The following PRKAR2B variants were observed in gnomAD, a reference collection of about 807,000 sequenced individuals.
PRKAR2B encodes the protein protein kinase cAMP-dependent type II regulatory subunit beta, also known as cAMP-dependent protein kinase type II-beta regulatory subunit.
A neutral mutation model predicts 49.9 loss-of-function variants in PRKAR2B; 14 were observed. The ratio of observed to expected loss-of-function variants is 0.28; its 90% CI spans 0.19 to 0.44. The LOEUF (loss-of-function observed/expected upper bound fraction) is 0.44. Among genes scored for constraint, PRKAR2B ranks in the 20% least tolerant of loss-of-function variants. The pLI, the probability that PRKAR2B is intolerant of heterozygous loss-of-function variation, is 1.00. For synonymous variants in PRKAR2B, 196 were observed against 197.7 expected, an observed-to-expected ratio of 0.99 and a Z score of 0.07; for missense variants, 393 against 537.9, an observed-to-expected ratio of 0.73 and a Z score of 2.67.
At chr7:107,091,390 G>A (rs1213288591) in intron 2 of PRKAR2B, among the ~76,000 whole-genome samples, 1 of 152,202 alleles carries the variant, frequency 6.6e-6, no homozygotes, top group East Asian at 1.9e-4. Context: ...AAATGGGTAT[G>A]ATGACTCTCC....
At chr7:107,116,415 C>T (rs1406069601) in intron 2 of PRKAR2B, among the ~76,000 whole-genome samples, 2 of 152,106 alleles carry the variant, frequency 1.3e-5, no homozygotes, top group African/African-American at 4.8e-5. Context: ...CATTCTATTT[C>T]TGTCTTGATT....
intron 1 of PRKAR2B, chr7:107,068,682 T>A (rs1794201848): frequency 6.6e-6 from 1 of 152,162 alleles, no homozygotes; most frequent in Non-Finnish European, 1.5e-5. Context: ...ATAATTGGGT[T>A]TATGAATTAT....
At chr7:107,102,544 G>A (rs888242494) in intron 2 of PRKAR2B, among the ~76,000 whole-genome samples, 1 of 152,106 alleles carries the variant, frequency 6.6e-6, no homozygotes, top group Non-Finnish European at 1.5e-5. Context: ...ATTGTTTCTT[G>A]AGCAAAGCCA....
At chr7:107,102,265 C>T (rs942858962) in intron 2 of PRKAR2B, among the ~76,000 whole-genome samples, 2 of 152,190 alleles carry the variant, frequency 1.3e-5, no homozygotes, top group African/African-American at 4.8e-5. Flanking sequence ...TAAGATACTC[C>T]AACCAGCACC....
intron 2 of PRKAR2B, among the ~76,000 whole-genome samples, chr7:107,091,349 G>A (rs1459670639): frequency 6.6e-6 from 1 of 152,212 alleles, no homozygotes; most frequent in Non-Finnish European, 1.5e-5. Flanking sequence ...GGTAAGTAAG[G>A]TATAGCTTGT....
At chr7:107,149,098 G>A (rs918906042) in intron 6 of PRKAR2B, among the ~76,000 whole-genome samples, 2 of 152,160 alleles carry the variant, frequency 1.3e-5, no homozygotes, top group African/African-American at 2.4e-5. Context: ...GAGCATTTAT[G>A]AATTATTGAG....
chr7:107,045,819 T>A (rs775683211), intron 1 of PRKAR2B, among the ~76,000 whole-genome samples: 17 of 152,236 alleles, frequency 1.1e-4, no homozygotes, highest in Non-Finnish European at 8.8e-5. Context: ...TGTTGTGTTA[T>A]TTTTGGACAC....
chr7:107,082,618 T>TG (rs1272176830), intron 2 of PRKAR2B, among the ~76,000 whole-genome samples: 4 of 152,134 alleles, frequency 2.6e-5, no homozygotes, highest in Admixed American at 2.6e-4. Context: ...TTTTTTGAGA[T>TG]GGAGTCTCGC....
chr7:107,119,142 G>C lies in PRKAR2B; in HGVS notation c.344-2810G>C, dbSNP rs535714189. Among the ~76,000 whole-genome samples, 322 of 152,304 alleles carry C rather than the reference G, an allele frequency of 2.1e-3. 2 individuals carry two copies. The highest frequency in any genetic ancestry group is 7.3e-3 in the African/African-American group (305 of 41,560). Reference sequence around the variant, plus strand: ...TTAGGACTTAGGGGCTAGGCACTTAGAAATTTGAGAATTAGGATTGATTTC... The same window carrying C: ...TTAGGACTTAGGGGCTAGGCACTTACAAATTTGAGAATTAGGATTGATTTC... On this transcript the variant is annotated intron_variant, in intron 2 of 10. Transcript: ENST00000265717.
At chr7:107,109,977 G>A (rs1163613626) in intron 2 of PRKAR2B, among the ~76,000 whole-genome samples, 1 of 152,138 alleles carries the variant, frequency 6.6e-6, no homozygotes, top group Non-Finnish European at 1.5e-5. Flanking sequence ...CACAGTACCT[G>A]TTTTAACTCT....
intron 3 of PRKAR2B, among the ~76,000 whole-genome samples, chr7:107,124,192 A>C (rs1795443780): frequency 6.6e-6 from 1 of 152,220 alleles, no homozygotes; most frequent in South Asian, 2.1e-4. Flanking sequence ...GGAAAATAAC[A>C]GATTTTAGTT....
chr7:107,128,431 T>A, intron 4 of PRKAR2B, 136 bp downstream of exon 4: 1 of 595,260 alleles, frequency 1.7e-6, no homozygotes, highest in Non-Finnish European at 3.0e-6. Context: ...CCCTTGCGGA[T>A]GCTTGAATGC....
At chr7:107,147,689 ACAG>A (rs1441216061) in intron 6 of PRKAR2B, among the ~76,000 whole-genome samples, 1 of 152,176 alleles carries the variant, frequency 6.6e-6, no homozygotes. Context: ...CAAACCTTAA[ACAG>A]CATCGATTTA....
intron 1 of PRKAR2B, 116 bp downstream of exon 1, chr7:107,045,330 C>T: frequency 3.5e-6 from 3 of 866,026 alleles, no homozygotes; most frequent in Non-Finnish European, 5.1e-6. Context: ...GCATTCTCCA[C>T]CTTTCCCTAC....
At chr7:107,099,204 G>C (rs1410903458) in intron 2 of PRKAR2B, among the ~76,000 whole-genome samples, 6 of 152,190 alleles carry the variant, frequency 3.9e-5, no homozygotes, top group African/African-American at 1.4e-4. Context: ...ACCTACTCAA[G>C]CCTCAGTAAT....
chr7:107,148,769 G>T (rs1562871717), intron 6 of PRKAR2B, among the ~76,000 whole-genome samples: 1 of 152,158 alleles, frequency 6.6e-6, no homozygotes, highest in African/African-American at 2.4e-5. Flanking sequence ...TTGCAGAATA[G>T]TCTCACTCTG....
intron 4 of PRKAR2B, among the ~76,000 whole-genome samples, chr7:107,136,768 AAC>A (rs1192971503): frequency 6.6e-6 from 1 of 152,216 alleles, no homozygotes; most frequent in African/African-American, 2.4e-5. Flanking sequence ...TTTACAACTA[AAC>A]ATACTCTTAC....
chr7:107,131,270 T>C (rs1795600335), intron 4 of PRKAR2B, among the ~76,000 whole-genome samples: 1 of 152,262 alleles, frequency 6.6e-6, no homozygotes, highest in Non-Finnish European at 1.5e-5. Flanking sequence ...TTGCTAATTA[T>C]GCTTTCCTGG....
chr7:107,089,433 G>T (rs1794679801), intron 2 of PRKAR2B, among the ~76,000 whole-genome samples: 1 of 152,030 alleles, frequency 6.6e-6, no homozygotes, highest in Non-Finnish European at 1.5e-5. Flanking sequence ...TAGAGTTTAG[G>T]GACCCTGTTT....
Sources: allele counts gnomAD v4.1 joint callset (sites outside exome capture counted in the v4.1 genomes callset), GRCh38; gene constraint gnomAD v4.1.1; transcripts MANE v1.5; gene names NCBI Gene and HGNC (gene_info 2026-07-23, HGNC 2026-07-21).